GALNT14: variants seen among roughly 807,000 people sequenced by gnomAD.
GALNT14 encodes polypeptide N-acetylgalactosaminyltransferase 14.
In GALNT14, 60 loss-of-function variants were observed where a neutral mutation model predicts 77.5. That is an observed-to-expected ratio of 0.77 (90% CI 0.63 to 0.96). GALNT14 has a LOEUF of 0.96. Among genes scored for constraint, GALNT14 ranks in the 40% least tolerant of loss-of-function variants. The pLI is 0.00. For synonymous variants in GALNT14, 280 were observed against 281.7 expected (o/e 0.99, Z 0.06); for missense variants, 710 against 731.0 (o/e 0.97, Z 0.33).
At chr2:31,091,601 T>G (rs1479765605) in intron 1 of GALNT14, among the ~76,000 whole-genome samples, 1 of 152,182 alleles carries the variant, frequency 6.6e-6, no homozygotes, top group Non-Finnish European at 1.5e-5. Context: ...ACTAGGTGGC[T>G]TACAAATAAC....
At chr2:30,963,898 T>G (rs72855220) in intron 3 of GALNT14, among the ~76,000 whole-genome samples, 2,994 of 152,290 alleles carry the variant, frequency 0.02, 40 homozygotes, top group East Asian at 0.056. Flanking sequence ...CTAAGTACGA[T>G]TAGTATTCTC....
intron 1 of GALNT14, among the ~76,000 whole-genome samples, chr2:31,047,112 C>T (rs888135485): frequency 7.2e-5 from 11 of 152,148 alleles, no homozygotes; most frequent in Non-Finnish European, 1.5e-4. Context: ...GGTTGCCTAA[C>T]AGCAGTGATT....
In GALNT14 at chr2:31,058,270, C is replaced by T. The variant is rs527359093; in HGVS notation, c.130-65263G>A. Among the ~76,000 whole-genome samples the T allele has an allele frequency of 1.4e-3, 212 of 152,278 alleles. 4 individuals carry two copies. Among genetic ancestry groups the T allele is most frequent in the Middle Eastern group, 6.8e-3 (2 of 294 alleles). The stretch of plus-strand genomic sequence containing the variant: ...CCTCTCTGAGCCTCAGCCCCTGACC[C>T]GTGGGAAGGGAACCACGGCACCCAC... On this transcript the variant is annotated intron_variant, in intron 1 of 14. Coordinates refer to ENST00000349752, the MANE Select transcript of GALNT14 (RefSeq NM_024572.4).
chr2:30,907,559 C>A (rs1265233144), downstream of GALNT14, among the ~76,000 whole-genome samples: 1 of 152,154 alleles, frequency 6.6e-6, no homozygotes, highest in Admixed American at 6.5e-5. Flanking sequence ...GAAACTGTGG[C>A]AATAATCAAT....
At chr2:31,107,072 T>A (rs1415514441) in intron 1 of GALNT14, among the ~76,000 whole-genome samples, 1 of 152,228 alleles carries the variant, frequency 6.6e-6, no homozygotes, top group Non-Finnish European at 1.5e-5. Flanking sequence ...GTATGTTATA[T>A]CTCAACAAAC....
At chr2:31,058,806 G>A (rs188857185) in intron 1 of GALNT14, among the ~76,000 whole-genome samples, 68 of 152,196 alleles carry the variant, frequency 4.5e-4, no homozygotes, top group Admixed American at 2.0e-3. Flanking sequence ...GACAAAGTTC[G>A]GAGACATTAA....
intron 3 of GALNT14, 93 bp from the exon 4 acceptor site, chr2:30,958,557 G>A (rs1667502592): frequency 1.0e-6 from 1 of 965,702 alleles, no homozygotes; most frequent in Admixed American, 1.9e-5. Flanking sequence ...TTGCATTTAA[G>A]GAATGAAAAA....
At chr2:31,022,277 A>G (rs779062225) in intron 1 of GALNT14, among the ~76,000 whole-genome samples, 1 of 152,204 alleles carries the variant, frequency 6.6e-6, no homozygotes, top group Non-Finnish European at 1.5e-5. Context: ...CTTTTAAAAC[A>G]TATACACTGT....
chr2:31,033,753 G>A (rs186889737), intron 1 of GALNT14, among the ~76,000 whole-genome samples: 3 of 151,908 alleles, frequency 2.0e-5, no homozygotes, highest in African/African-American at 7.2e-5. Flanking sequence ...TCCTTTCCCC[G>A]AGATATGCAG....
intron 2 of GALNT14, among the ~76,000 whole-genome samples, chr2:30,975,620 T>C (rs2148363289): frequency 6.6e-6 from 1 of 152,294 alleles, no homozygotes. Context: ...TACTGGAAAA[T>C]TTTAAATAAT....
intron 1 of GALNT14, among the ~76,000 whole-genome samples, chr2:31,034,922 T>A (rs960620430): frequency 3.9e-5 from 6 of 152,252 alleles, no homozygotes; most frequent in Non-Finnish European, 7.3e-5. Flanking sequence ...CCTTTCATCA[T>A]TGATTTCCAA....
chr2:31,118,469 C>T (rs1678227332), intron 1 of GALNT14, among the ~76,000 whole-genome samples: 1 of 151,814 alleles, frequency 6.6e-6, no homozygotes, highest in African/African-American at 2.4e-5. Context: ...ACAAGAAAAT[C>T]AAAATAAATC....
chr2:30,899,919 C>G, the GALNT14 span, among the ~76,000 whole-genome samples: 1 of 152,224 alleles, frequency 6.6e-6, no homozygotes, highest in African/African-American at 2.4e-5. Context: ...GTCTGCACAG[C>G]TGCTAGGCTT....
At chr2:30,986,267 AGAGTTTCCAGCCCATGGCTCAC>A (rs1254596682) in intron 2 of GALNT14, among the ~76,000 whole-genome samples, 2 of 152,240 alleles carry the variant, frequency 1.3e-5, no homozygotes, top group Non-Finnish European at 2.9e-5. Context: ...TTCCCCGGCT[AGAGTTTCCAGCCCATGGCTCAC>A]GAGCTCAGTC....
chr2:30,989,194 G>A (rs1255764947), intron 2 of GALNT14, among the ~76,000 whole-genome samples: 1 of 152,166 alleles, frequency 6.6e-6, no homozygotes, highest in African/African-American at 2.4e-5. Flanking sequence ...ATTCTTGTAA[G>A]AAGCCTGGAT....
intron 1 of GALNT14, among the ~76,000 whole-genome samples, chr2:31,032,352 G>A (rs1229544740): frequency 6.6e-6 from 1 of 152,206 alleles, no homozygotes; most frequent in Non-Finnish European, 1.5e-5. Context: ...GAATGAGAAA[G>A]ATGGAAGAGT....
chr2:31,009,300 C>T (rs913901989), intron 1 of GALNT14, among the ~76,000 whole-genome samples: 1 of 148,486 alleles, frequency 6.7e-6, no homozygotes, highest in African/African-American at 2.4e-5. Context: ...CAACATCCTA[C>T]CCCCTGGAAA....
At chr2:30,983,658 G>A (rs1181762373) in intron 2 of GALNT14, among the ~76,000 whole-genome samples, 1 of 152,106 alleles carries the variant, frequency 6.6e-6, no homozygotes, top group East Asian at 1.9e-4. Context: ...GAATTATATG[G>A]CTGAAATGTA....
At chr2:30,891,966 T>C in the GALNT14 span, among the ~76,000 whole-genome samples, 2 of 152,196 alleles carry the variant, frequency 1.3e-5, no homozygotes, top group African/African-American at 2.4e-5. Flanking sequence ...AGGAAACCAA[T>C]AGATTGTTCG....
Sources: allele counts gnomAD v4.1 joint callset (sites outside exome capture counted in the v4.1 genomes callset), GRCh38; gene constraint gnomAD v4.1.1; transcripts MANE v1.5; gene names NCBI Gene and HGNC (gene_info 2026-07-23, HGNC 2026-07-21).